The following KDM2A variants were observed in gnomAD, a reference collection of about 807,000 sequenced individuals.
KDM2A encodes lysine-specific demethylase 2A.
A neutral mutation model predicts 137.3 loss-of-function variants in KDM2A; 3 were observed. The ratio of observed to expected loss-of-function variants is 0.02; its 90% CI spans 0.01 to 0.06. The LOEUF (loss-of-function observed/expected upper bound fraction) is 0.06, where lower values mean the gene tolerates loss of function less well. Ranked by LOEUF, KDM2A falls within the 10% of genes least tolerant of loss-of-function variation. The pLI is 1.00. For synonymous variants in KDM2A, 512 were observed against 541.5 expected (o/e 0.95, Z 0.76); for missense variants, 738 against 1,510.6 (o/e 0.49, Z 8.48).
rs746056503 is a variant in KDM2A at position 67,181,347 on chromosome 11, G to A, written c.209G>A (p.Gly70Asp). 3.1e-6 allele frequency: 5 copies of A among 1,611,572 alleles called. No homozygotes were observed. In the East Asian group the frequency reaches 6.7e-5, roughly 22 times the overall value. The part of the protein sequence containing the change: ...KDFNVEYIQR[G>D]GLRDPLIFKN... The stretch of plus-strand genomic sequence containing the variant: ...TTTAATGTAGAGTATATTCAGCGGG[G>A]TGGCTTGAGAGATCCTCTGATTTTC... Residue 70 changes from glycine to aspartate, a missense_variant, in exon 4 of 21, where the codon GGT becomes GAT. Transcript: ENST00000529006.
intron 6 of KDM2A, among the ~76,000 whole-genome samples, chr11:67,211,893 T>C (rs1269449831): frequency 1.3e-5 from 2 of 152,212 alleles, no homozygotes; most frequent in African/African-American, 4.8e-5. Flanking sequence ...TGCTAAGCAC[T>C]GTCTAGGTAC....
At chr11:67,180,277 G>A in intron 3 of KDM2A, 60 bp downstream of exon 3, 6 of 1,542,176 alleles carry the variant, frequency 3.9e-6, no homozygotes, top group Non-Finnish European at 5.3e-6. Flanking sequence ...TAGACTCTGA[G>A]CATTGGGGGT....
At chr11:67,137,283 G>A (rs886369656) in intron 2 of KDM2A, among the ~76,000 whole-genome samples, 2 of 152,202 alleles carry the variant, frequency 1.3e-5, no homozygotes, top group African/African-American at 4.8e-5. Flanking sequence ...CATTGGGAAG[G>A]CAGAAGTTCA....
At chr11:67,136,494 G>A (rs1274404046) in intron 2 of KDM2A, among the ~76,000 whole-genome samples, 3 of 152,168 alleles carry the variant, frequency 2.0e-5, no homozygotes, top group Admixed American at 2.0e-4. Context: ...GTTGTACTAA[G>A]CATTTTATTT....
Position 67,250,758 on chromosome 11 carries a change from C to T in KDM2A, c.2728C>T (p.Leu910Phe). ...CTTCCGCTACCTCAGCCGCAGAGAA[C>T]TTTGTGAATGTATGCGAGTGTGCAA... ...SVFRYLSRRE[L>F]CECMRVCKTW... Residue 910 changes from leucine (L) to phenylalanine (F), a missense_variant, in exon 17 of 21, where the codon CTT becomes TTT. This residue lies in a region of KDM2A where 244 missense variants were observed against 324.6 expected (regional missense o/e 0.75). Coordinates refer to ENST00000529006, the MANE Select transcript of KDM2A (RefSeq NM_012308.3). This position sits in a 1 kb window ranked among gnomAD's most constrained non-coding sequence, Gnocchi z 7.1. 1 of 1,544,674 alleles carries T rather than the reference C, an allele frequency of 6.5e-7. No homozygotes were observed. The highest frequency in any genetic ancestry group is 8.7e-7 in the Non-Finnish European group (1 of 1,144,840).
At chr11:67,162,568 G>A (rs1856657513) in intron 2 of KDM2A, among the ~76,000 whole-genome samples, 2 of 151,902 alleles carry the variant, frequency 1.3e-5, no homozygotes, top group South Asian at 4.1e-4. Context: ...ACCACACCCA[G>A]CTAACTTTTG....
intron 16 of KDM2A, 126 bp from the exon 17 acceptor site, chr11:67,249,960 G>A: frequency 1.6e-6 from 1 of 638,352 alleles, no homozygotes; most frequent in Non-Finnish European, 2.3e-6. Flanking sequence ...CTGAGGGAAT[G>A]ACCCCCTCTC....
intron 5 of KDM2A, among the ~76,000 whole-genome samples, chr11:67,204,148 A>G (rs1004638252): frequency 5.3e-5 from 8 of 152,272 alleles, no homozygotes; most frequent in African/African-American, 1.9e-4. Context: ...TTCTTAAATT[A>G]TGGTTAAATA....
intron 2 of KDM2A, among the ~76,000 whole-genome samples, chr11:67,127,073 C>A (rs896669483): frequency 2.0e-5 from 3 of 152,040 alleles, no homozygotes; most frequent in Non-Finnish European, 2.9e-5. Context: ...GTGGGTTGTT[C>A]TGAGGTAACA....
rs1040794141 is a variant in KDM2A, at chr11:67,255,225, C to T, written c.*170C>T. On this transcript the variant is annotated 3_prime_UTR_variant, in exon 21 of 21. Coordinates refer to ENST00000529006, the MANE Select transcript of KDM2A (RefSeq NM_012308.3). ...GTGGGGCAGAGAGGGTGGTGGACAC[C>T]AGGCTTATCTGCCTGCTCCTCTCCC... is the stretch of plus-strand genomic sequence containing the variant. The T allele has an allele frequency of 1.6e-6, 1 of 621,976 alleles. No individual in the cohort carries two copies. Among genetic ancestry groups the T allele is most frequent in the African/African-American group, 1.8e-5 (1 of 54,286 alleles). The allele number at this position is 621,976 out of a possible 1,614,324, so 38.5% of individuals were successfully genotyped here. A position where few individuals can be genotyped will look rare whatever the true frequency, so the allele number is the denominator to read the frequency against.
intron 10 of KDM2A, among the ~76,000 whole-genome samples, chr11:67,226,539 G>A (rs1220951162): frequency 1.3e-5 from 2 of 152,092 alleles, no homozygotes; most frequent in Non-Finnish European, 2.9e-5. Flanking sequence ...TGGCTAACAT[G>A]GTGAAACCCC....
chr11:67,200,242 GTC>G (rs1371307142), intron 5 of KDM2A, among the ~76,000 whole-genome samples: 1 of 151,774 alleles, frequency 6.6e-6, no homozygotes, highest in African/African-American at 2.4e-5. Context: ...TTTAGACGGA[GTC>G]TCTCTCTGTT....
chr11:67,205,008 GA>G (rs1470077870), intron 5 of KDM2A, among the ~76,000 whole-genome samples: 1 of 152,112 alleles, frequency 6.6e-6, no homozygotes, highest in African/African-American at 2.4e-5. Context: ...AATTCTTTTA[GA>G]TATATGCCTA....
chr11:67,231,870 C>T lies in KDM2A; in HGVS notation c.1389C>T (p.Cys463=), dbSNP rs1858730888. ...ATTTTGAGCTTGAAGGCCTTCGCTGCCTTGTAGATAAGTTGGAGTCTCTGC... is the reference window on the plus strand; with the variant it reads ...ATTTTGAGCTTGAAGGCCTTCGCTGTCTTGTAGATAAGTTGGAGTCTCTGC... The part of the protein sequence containing the change: ...LTHFELEGLR[C]LVDKLESLPL... The change falls in exon 12 of 21, where the codon TGC becomes TGT. Residue 463 remains cysteine, a synonymous_variant. Coordinates refer to ENST00000529006, the MANE Select transcript of KDM2A (RefSeq NM_012308.3). 1.2e-6 allele frequency: 2 copies of T among 1,613,992 alleles called. No individual in the cohort carries two copies. The highest frequency in any genetic ancestry group is 1.1e-5 in the South Asian group (1 of 91,082).
intron 2 of KDM2A, among the ~76,000 whole-genome samples, chr11:67,127,794 C>T (rs917959742): frequency 3.3e-5 from 5 of 151,990 alleles, no homozygotes; most frequent in African/African-American, 9.7e-5. Flanking sequence ...CGCAACCTCC[C>T]TCTCCTGGGT....
intron 9 of KDM2A, 95 bp downstream of exon 9, chr11:67,217,979 G>A: frequency 9.0e-7 from 1 of 1,109,506 alleles, no homozygotes; most frequent in Non-Finnish European, 1.3e-6. Flanking sequence ...ATGATGCTGG[G>A]CGTCTGCAGA....
chr11:67,219,607 T>G (rs578068501), intron 10 of KDM2A: 1 of 288,942 alleles, frequency 3.5e-6, no homozygotes, highest in East Asian at 7.7e-5. Flanking sequence ...CAGGCTAGAG[T>G]GCAGTGGCGT....
intron 12 of KDM2A, among the ~76,000 whole-genome samples, chr11:67,238,706 G>A (rs1461158881): frequency 6.6e-6 from 1 of 152,158 alleles, no homozygotes; most frequent in African/African-American, 2.4e-5. Flanking sequence ...AACTGTCCTG[G>A]AAATAAATAA....
intron 5 of KDM2A, among the ~76,000 whole-genome samples, chr11:67,197,505 T>A (rs1300488560): frequency 6.6e-6 from 1 of 152,208 alleles, no homozygotes; most frequent in Non-Finnish European, 1.5e-5. Flanking sequence ...CCAGGTTTTT[T>A]AAAGTCTGGG....
Sources: allele counts gnomAD v4.1 joint callset (sites outside exome capture counted in the v4.1 genomes callset), GRCh38; gene constraint gnomAD v4.1.1; regional missense constraint gnomAD v4.1.1; non-coding constraint Gnocchi (gnomAD v3.1); transcripts MANE v1.5; gene names NCBI Gene and HGNC (gene_info 2026-07-23, HGNC 2026-07-21).